ITGAE: variants seen among roughly 807,000 people sequenced by gnomAD.
ITGAE encodes the protein integrin subunit alpha E, also known as integrin alpha-E.
A neutral mutation model predicts 136.5 loss-of-function variants in ITGAE; 99 were observed. That is an observed-to-expected ratio of 0.73 (90% CI 0.62 to 0.86). ITGAE has a LOEUF of 0.86. Ranked by LOEUF, ITGAE falls within the 40% of genes least tolerant of loss-of-function variation. The probability of loss-of-function intolerance (pLI) is 0.00; values close to 1 mark genes in which losing one functional copy is unlikely to be tolerated. For missense variants in ITGAE, 1,447 were observed against 1,515.3 expected, an observed-to-expected ratio of 0.95 and a Z score of 0.75; for synonymous variants, 613 against 591.8, an observed-to-expected ratio of 1.04 and a Z score of -0.52.
At chr17:3,788,693 C>CATTAAAAATAATTATTAAAATA in intron 1 of ITGAE, among the ~76,000 whole-genome samples, 1 of 54,952 alleles carries the variant, frequency 1.8e-5, no homozygotes, top group Non-Finnish European at 3.3e-5. Context: ...AAAAAGTCTA[C>CATTAAAAATAATTATTAAAATA]ATTAAAAATA....
At chr17:3,714,984 A>G in intron 30 of ITGAE, 42 bp from the exon 31 acceptor site, 1 of 1,214,514 alleles carries the variant, frequency 8.2e-7, no homozygotes. Context: ...GGCCAAAGAT[A>G]GCCATCTGTT....
chr17:3,733,763 C>T (rs982104791), intron 21 of ITGAE, among the ~76,000 whole-genome samples: 1 of 152,110 alleles, frequency 6.6e-6, no homozygotes, highest in Non-Finnish European at 1.5e-5. Context: ...ATGGAAAAGG[C>T]GGTTATTAAA....
intron 28 of ITGAE, 138 bp from the exon 29 acceptor site, chr17:3,720,540 A>C: frequency 1.9e-6 from 1 of 530,050 alleles, no homozygotes; most frequent in Non-Finnish European, 3.3e-6. Context: ...ACAACACTAC[A>C]TAAAGTTACC....
At position 3,750,353 on chromosome 17, in the gene ITGAE, G is replaced by A. The variant is rs139498486; in HGVS notation, c.2023C>T (p.Arg675Cys). The change falls in exon 16 of 31, where the codon CGC (arginine) becomes TGC (cysteine). Residue 675 changes from arginine to cysteine, a missense_variant and splice_region_variant. Coordinates refer to ENST00000263087, the MANE Select transcript of ITGAE (RefSeq NM_002208.5). Reference protein sequence around the residue: ...VGTLGQAVVFRSRPVVRLKVS... With the variant: ...VGTLGQAVVFCSRPVVRLKVS... ...CCAGAAAGCAGGACAGAACCCTACC[G>A]GAACACAACCGCCTGGCCCAGAGTG... 31 of 1,613,920 alleles carry A rather than the reference G, an allele frequency of 1.9e-5. No individual in the cohort carries two copies. The Admixed American group carries it at 2.0e-4, about 10-fold the overall frequency.
rs780795780 is a variant in ITGAE, at chr17:3,757,793, G to A, written c.933C>T (p.Thr311=). 10 of 1,613,986 alleles carry A rather than the reference G, an allele frequency of 6.2e-6. No homozygotes were observed. The African/African-American group carries it at 8.0e-5, about 13-fold the overall frequency. The change falls in exon 9 of 31, where the codon ACC becomes ACT. Residue 311 remains threonine (T), a synonymous_variant. Coordinates refer to ENST00000263087, the MANE Select transcript of ITGAE (RefSeq NM_002208.5). ...GGGGGTCCTCGAATATGCCACCATC[G>A]GTGAGCACCACCATGACCTTGGATG... ...RKASKVMVVL[T]DGGIFEDPLN...
chr17:3,726,620 G>A (rs1234968658), intron 26 of ITGAE: 5 of 384,796 alleles, frequency 1.3e-5, no homozygotes, highest in Non-Finnish European at 1.4e-5. Flanking sequence ...TTGAGCCCAA[G>A]AGTTCATATC....
intron 26 of ITGAE, chr17:3,726,734 T>TTA (rs2051223031): frequency 2.6e-5 from 4 of 154,892 alleles, no homozygotes; most frequent in South Asian, 2.0e-4. Flanking sequence ...TTTTTTTTTT[T>TTA]AATTTTATTG....
chr17:3,754,182 C>T (rs138375770), intron 12 of ITGAE, among the ~76,000 whole-genome samples: 114 of 152,288 alleles, frequency 7.5e-4, no homozygotes, highest in Middle Eastern at 3.4e-3. Context: ...TACTCGTTCG[C>T]ACACATTCAC....
chr17:3,786,186 A>AAG, intron 1 of ITGAE, among the ~76,000 whole-genome samples: 1 of 149,952 alleles, frequency 6.7e-6, no homozygotes, highest in African/African-American at 2.5e-5. Flanking sequence ...AAAAAAAAAA[A>AAG]GTAAGAGGAT....
At chr17:3,766,135 C>T (rs906193335) in intron 2 of ITGAE, among the ~76,000 whole-genome samples, 3 of 151,958 alleles carry the variant, frequency 2.0e-5, no homozygotes, top group African/African-American at 7.3e-5. Flanking sequence ...GTGGCATGGG[C>T]GAGCCGCAGG....
intron 1 of ITGAE, among the ~76,000 whole-genome samples, chr17:3,797,350 A>G (rs979353675): frequency 6.7e-6 from 1 of 150,212 alleles, no homozygotes; most frequent in Admixed American, 6.7e-5. Context: ...TGTTTTTAGT[A>G]GAGACGGAGT....
Position 3,753,372 on chromosome 17 carries a change from G to A in ITGAE, c.1586C>T (p.Thr529Met), listed in dbSNP as rs530702065. ...CPVDIDMDGSTDFLLVAAPFY... is the reference protein window; with the variant it reads ...CPVDIDMDGSMDFLLVAAPFY... ...TGGAGCAGCCACCAGCAAGAAGTCC[G>A]TGCTTCCATCCATGTCAATGTCCAC... The change falls in exon 14 of 31, where the codon ACG becomes ATG. Residue 529 changes from threonine to methionine, a missense_variant. Physicochemically the swap from Thr to Met is moderately conservative, Grantham distance 81. Transcript: ENST00000263087. 7 of 1,614,126 alleles carry A rather than the reference G, an allele frequency of 4.3e-6. No individual in the cohort carries two copies. The highest frequency in any genetic ancestry group is 4.0e-5 in the African/African-American group (3 of 75,016).
chr17:3,721,254 T>C (rs1395576875), intron 28 of ITGAE, among the ~76,000 whole-genome samples: 1 of 140,368 alleles, frequency 7.1e-6, no homozygotes, highest in Non-Finnish European at 1.5e-5. Context: ...ACGTAAGAGA[T>C]TTTTCCTTTT....
intron 20 of ITGAE, among the ~76,000 whole-genome samples, chr17:3,735,874 G>T (rs1483192993): frequency 1.3e-5 from 2 of 152,100 alleles, no homozygotes; most frequent in Non-Finnish European, 2.9e-5. Context: ...AGCCAAGACA[G>T]GCTAATTACC....
chr17:3,775,874 T>A (rs77309111), intron 2 of ITGAE, among the ~76,000 whole-genome samples: 1 of 152,052 alleles, frequency 6.6e-6, no homozygotes, highest in African/African-American at 2.4e-5. Context: ...TACGGCAAAA[T>A]TGCTCTCCAA....
At chr17:3,786,608 ACGGCCGGGTGCAGTGGCTCATGC>A (rs2052803871) in intron 1 of ITGAE, among the ~76,000 whole-genome samples, 1 of 152,150 alleles carries the variant, frequency 6.6e-6, no homozygotes, top group South Asian at 2.1e-4. Flanking sequence ...AAAGCATAAT[ACGGCCGGGTGCAGTGGCTCATGC>A]CTGTAATCCC....
chr17:3,788,456 A>ATTTTT (rs71155804), intron 1 of ITGAE, among the ~76,000 whole-genome samples: 6 of 103,234 alleles, frequency 5.8e-5, no homozygotes, highest in Admixed American at 1.2e-4. Flanking sequence ...GACCTGACTA[A>ATTTTT]TTTTTTTTTT....
At chr17:3,743,146 C>A (rs569770116) in intron 19 of ITGAE, among the ~76,000 whole-genome samples, 1 of 152,206 alleles carries the variant, frequency 6.6e-6, no homozygotes, top group South Asian at 2.1e-4. Flanking sequence ...CACAAGGAAC[C>A]CCCATCACAG....
In ITGAE at chr17:3,760,227, C is replaced by A. The variant is rs776275165; in HGVS notation, c.659G>T (p.Arg220Ile). ...SGSIDPPDFQ[R>I]AKDFISNMMR... ...CATGTTGGAGATGAAGTCTTTGGCT[C>A]TCTGAAAGTCTGGGGGATCAATGCT... Residue 220 changes from arginine (R) to isoleucine (I), a missense_variant, in exon 7 of 31, where the codon AGA becomes ATA. Around this residue, in one of 3 missense-constraint regions of ITGAE, gnomAD observed 310 missense variants for 416.1 expected, o/e 0.74. Transcript: ENST00000263087. 1 of 1,613,916 alleles carries A rather than the reference C, an allele frequency of 6.2e-7. No homozygotes were observed. Among genetic ancestry groups the A allele is most frequent in the East Asian group, 2.2e-5 (1 of 44,856 alleles).
Sources: allele counts gnomAD v4.1 joint callset (sites outside exome capture counted in the v4.1 genomes callset), GRCh38; gene constraint gnomAD v4.1.1; regional missense constraint gnomAD v4.1.1; transcripts MANE v1.5; gene names NCBI Gene and HGNC (gene_info 2026-07-23, HGNC 2026-07-21).